Variants in PLXNC1 observed in about 807,000 individuals in gnomAD.
PLXNC1 encodes the protein plexin C1, also known as plexin-C1.
Under a neutral mutation model 178.2 loss-of-function variants are expected in PLXNC1, and 75 were observed. The ratio of observed to expected loss-of-function variants is 0.42; its 90% CI spans 0.35 to 0.51. The LOEUF (loss-of-function observed/expected upper bound fraction) is 0.51. PLXNC1 is among the 20% of genes least tolerant of loss of function. The probability of loss-of-function intolerance (pLI) is 0.02; values close to 1 mark genes in which losing one functional copy is unlikely to be tolerated. For missense variants in PLXNC1, 1,503 were observed against 1,984.4 expected (o/e 0.76, Z 4.61); for synonymous variants, 790 against 779.9 (o/e 1.01, Z -0.22).
chr12:94,254,539 G>C (rs1964787316), intron 15 of PLXNC1: 2 of 640,730 alleles, frequency 3.1e-6, no homozygotes, highest in Middle Eastern at 2.4e-4. Context: ...CTTGTAAAAT[G>C]AGTAAGGTTT....
chr12:94,166,426 A>G (rs1961612617), intron 1 of PLXNC1, among the ~76,000 whole-genome samples: 1 of 152,174 alleles, frequency 6.6e-6, no homozygotes, highest in African/African-American at 2.4e-5. Flanking sequence ...AGTCAAACTT[A>G]GGTGGTCTGG....
At chr12:94,176,698 A>G (rs1425053785) in intron 2 of PLXNC1, among the ~76,000 whole-genome samples, 1 of 152,190 alleles carries the variant, frequency 6.6e-6, no homozygotes. Context: ...AAGGCAACCA[A>G]TGATAGTAGT....
At chr12:94,289,351 G>C (rs1592955047) in intron 23 of PLXNC1, among the ~76,000 whole-genome samples, 1 of 152,310 alleles carries the variant, frequency 6.6e-6, no homozygotes, top group South Asian at 2.1e-4. Context: ...TTGATGATTG[G>C]AGGGGAATCG....
At position 94,297,417 on chromosome 12, in the gene PLXNC1, G is replaced by A. The variant is rs751360894; in HGVS notation, c.4068G>A (p.Ser1356=). The A allele has an allele frequency of 5.6e-6, 9 of 1,609,718 alleles. No homozygotes were observed. Among genetic ancestry groups the A allele is most frequent in the Admixed American group, 1.7e-5 (1 of 59,978 alleles). The change falls in exon 26 of 31, where the codon TCG becomes TCA. Residue 1356 remains serine, a synonymous_variant. Coordinates refer to ENST00000258526, the MANE Select transcript of PLXNC1 (RefSeq NM_005761.3). ...AAATGTATCTGACAAAGCTGCTGTC[G>A]ACCAAGGTACACTTACTGTTCTGGG... ...VKEMYLTKLL[S]TKVAIHSVLE...
intron 5 of PLXNC1, among the ~76,000 whole-genome samples, chr12:94,211,030 T>C (rs1963453048): frequency 6.6e-6 from 1 of 152,242 alleles, no homozygotes; most frequent in Admixed American, 6.5e-5. Flanking sequence ...AATTTAAGGA[T>C]AATACTTCAG....
At chr12:94,158,762 C>G (rs563000970) in intron 1 of PLXNC1, among the ~76,000 whole-genome samples, 1 of 152,266 alleles carries the variant, frequency 6.6e-6, no homozygotes, top group Middle Eastern at 3.4e-3. Flanking sequence ...GTAACACGAC[C>G]CTGTCTCTTG....
intron 17 of PLXNC1, among the ~76,000 whole-genome samples, chr12:94,257,023 A>T (rs1046722717): frequency 2.0e-5 from 3 of 152,208 alleles, no homozygotes; most frequent in Non-Finnish European, 4.4e-5. Flanking sequence ...CCAGGAAAAA[A>T]CATGCATAAA....
chr12:94,209,447 G>T, intron 4 of PLXNC1, 143 bp from the exon 5 acceptor site: 1 of 610,272 alleles, frequency 1.6e-6, no homozygotes, highest in Non-Finnish European at 3.0e-6. Context: ...TCCTATTCTC[G>T]CTCAAATCAA....
At chr12:94,258,648 T>C (rs747526249) in intron 17 of PLXNC1, among the ~76,000 whole-genome samples, 1 of 152,238 alleles carries the variant, frequency 6.6e-6, no homozygotes, top group African/African-American at 2.4e-5. Flanking sequence ...TGGTCTAGTT[T>C]GCTATAAATT....
rs189736531 is a variant in PLXNC1, at chr12:94,216,844, C to T, written c.1555-3172C>T. Among the ~76,000 whole-genome samples the T allele has an allele frequency of 2.0e-5, 3 of 152,308 alleles. No individual in the cohort carries two copies. In the East Asian group the frequency reaches 5.8e-4, roughly 29 times the overall value. On this transcript the variant is annotated intron_variant, in intron 5 of 30. Transcript: ENST00000258526. Reference sequence around the variant, plus strand: ...GCGGGCTAATTGACACCCCAGCTCCCTCTGCATCCCACCTGCCCTTTAAGT... The same window carrying T: ...GCGGGCTAATTGACACCCCAGCTCCTTCTGCATCCCACCTGCCCTTTAAGT...
chr12:94,228,097 A>G (rs548085911), intron 9 of PLXNC1, among the ~76,000 whole-genome samples: 1 of 152,376 alleles, frequency 6.6e-6, no homozygotes, highest in African/African-American at 2.4e-5. Flanking sequence ...GCAAAGGTAA[A>G]TAAGTAGCAT....
At chr12:94,153,354 G>A (rs1282738210) in intron 1 of PLXNC1, among the ~76,000 whole-genome samples, 1 of 152,244 alleles carries the variant, frequency 6.6e-6, no homozygotes, top group Non-Finnish European at 1.5e-5. Flanking sequence ...TCAGAAGGCA[G>A]TACATGCCTC....
chr12:94,249,930 T>TGGGGGGGC (rs1240627694), intron 14 of PLXNC1, among the ~76,000 whole-genome samples: 1 of 13,768 alleles, frequency 7.3e-5, no homozygotes, highest in African/African-American at 3.0e-4. Context: ...AGCACCAGTG[T>TGGGGGGGC]GGGGGGGTGG....
intron 21 of PLXNC1, among the ~76,000 whole-genome samples, chr12:94,265,857 C>T (rs1007432800): frequency 1.3e-5 from 2 of 152,134 alleles, no homozygotes; most frequent in African/African-American, 4.8e-5. Flanking sequence ...CGCACCCACC[C>T]CATGCTCTTC....
rs920688993 is a variant in PLXNC1 at position 94,306,297 on chromosome 12, A to G, written c.*1012A>G. The G allele has an allele frequency of 1.1e-4, 17 of 151,962 alleles. No homozygotes were observed. Among genetic ancestry groups the G allele is most frequent in the African/African-American group, 3.6e-4 (15 of 41,514 alleles). 9.4% of individuals were successfully genotyped at this position (151,962 alleles called of 1,614,324 possible). A position where few individuals can be genotyped will look rare whatever the true frequency, so the allele number is the denominator to read the frequency against. ...ACTGGAGTATTATATATAAATATATATATTTGAGGCCCAAGGCCTGAAAAA... is the reference window on the plus strand; with the variant it reads ...ACTGGAGTATTATATATAAATATATGTATTTGAGGCCCAAGGCCTGAAAAA... On this transcript the variant is annotated 3_prime_UTR_variant, in exon 31 of 31. Coordinates refer to ENST00000258526, the MANE Select transcript of PLXNC1 (RefSeq NM_005761.3).
intron 18 of PLXNC1, 44 bp from the exon 19 acceptor site, chr12:94,259,566 T>C (rs1964939520): frequency 2.9e-6 from 4 of 1,392,510 alleles, no homozygotes; most frequent in Non-Finnish European, 3.9e-6. Context: ...TTTAAACTTA[T>C]ATATGATTTT....
intron 8 of PLXNC1, 85 bp from the exon 9 acceptor site, chr12:94,227,064 C>A: frequency 1.1e-6 from 1 of 898,302 alleles, no homozygotes; most frequent in Non-Finnish European, 1.8e-6. Context: ...TTTGTGACTG[C>A]CTGGTCCTAC....
intron 20 of PLXNC1, among the ~76,000 whole-genome samples, chr12:94,263,513 C>A (rs1357391479): frequency 6.6e-6 from 1 of 151,550 alleles, no homozygotes. Flanking sequence ...CTGACTCCAA[C>A]CCCTGCGGGA....
intron 5 of PLXNC1, among the ~76,000 whole-genome samples, chr12:94,218,758 C>T (rs187921462): frequency 6.6e-6 from 1 of 152,200 alleles, no homozygotes; most frequent in Admixed American, 6.5e-5. Context: ...TACAAACATA[C>T]ACACACAAAA....
Sources: gnomAD v4.1 joint callset for allele counts (sites outside exome capture counted in the v4.1 genomes callset) on GRCh38, gnomAD v4.1.1 for gene constraint, MANE v1.5 for transcripts, NCBI Gene and HGNC (gene_info 2026-07-23, HGNC 2026-07-21) for gene names.